LRPPRC: variants seen among roughly 807,000 people sequenced by gnomAD.
The protein encoded by LRPPRC is leucine rich pentatricopeptide repeat containing.
In LRPPRC, 120 loss-of-function variants were observed where a neutral mutation model predicts 180.3. That is an observed-to-expected ratio of 0.67 (90% CI 0.57 to 0.77). LRPPRC has a LOEUF of 0.77. LRPPRC is among the 30% of genes least tolerant of loss of function. The probability of loss-of-function intolerance (pLI) is 0.00; values close to 1 mark genes in which losing one functional copy is unlikely to be tolerated. For synonymous variants in LRPPRC, 723 were observed against 600.0 expected, an observed-to-expected ratio of 1.21 and a Z score of -3.00; for missense variants, 2,012 against 1,657.2, an observed-to-expected ratio of 1.21 and a Z score of -3.72.
intron 1 of LRPPRC, among the ~76,000 whole-genome samples, chr2:43,982,695 T>C (rs1261117626): frequency 2.6e-5 from 4 of 152,220 alleles, no homozygotes; most frequent in African/African-American, 9.6e-5. Flanking sequence ...CATGGAATGA[T>C]TTCAAAATCA....
At chr2:43,958,668 T>A (rs567642758) in intron 13 of LRPPRC, among the ~76,000 whole-genome samples, 25 of 152,338 alleles carry the variant, frequency 1.6e-4, no homozygotes, top group African/African-American at 6.0e-4. Context: ...TAGTTTTCCA[T>A]GCCTACAAAC....
chr2:43,942,875 A>G (rs1284704086), intron 23 of LRPPRC, among the ~76,000 whole-genome samples: 1 of 152,050 alleles, frequency 6.6e-6, no homozygotes, highest in Non-Finnish European at 1.5e-5. Flanking sequence ...TCAGATACGT[A>G]TATCTTCCAT....
intron 1 of LRPPRC, among the ~76,000 whole-genome samples, chr2:43,992,679 G>T (rs933434513): frequency 6.6e-6 from 1 of 152,142 alleles, no homozygotes; most frequent in South Asian, 2.1e-4. Context: ...TCAATAAATG[G>T]GGGGTGAAGG....
intron 27 of LRPPRC, among the ~76,000 whole-genome samples, chr2:43,923,519 A>T (rs1265183846): frequency 1.3e-5 from 2 of 152,154 alleles, no homozygotes; most frequent in Non-Finnish European, 1.5e-5. Flanking sequence ...GTTCTTCTGA[A>T]TAGGAAGAGT....
At chr2:43,918,801 A>ATATC (rs1449843428) in intron 27 of LRPPRC, among the ~76,000 whole-genome samples, 169 of 112,186 alleles carry the variant, frequency 1.5e-3, no homozygotes, top group African/African-American at 3.4e-3. Flanking sequence ...AGATATATAT[A>ATATC]TATATATAGA....
chr2:43,918,783 A>ATATATAGATATATATATATATC (rs1572917869), intron 27 of LRPPRC, among the ~76,000 whole-genome samples: 1 of 35,280 alleles, frequency 2.8e-5, no homozygotes, highest in African/African-American at 2.7e-4. Context: ...GGAAATATAT[A>ATATATAGATATATATATATATC]TATATATAGA....
chr2:43,975,626 A>C (rs1029668184), intron 6 of LRPPRC, among the ~76,000 whole-genome samples: 1 of 150,788 alleles, frequency 6.6e-6, no homozygotes, highest in Admixed American at 6.6e-5. Flanking sequence ...TCTGTCTCCC[A>C]GGCTGGAGTG....
rs533850595 is a variant in LRPPRC, at chr2:43,912,352, C to G, written c.3275+80G>C. The G allele has an allele frequency of 8.0e-5, 104 of 1,294,080 alleles. No individual in the cohort carries two copies. In the East Asian group the frequency reaches 2.4e-3, roughly 30 times the overall value. 80.2% of individuals were successfully genotyped at this position (1,294,080 alleles called of 1,614,324 possible). A position where few individuals can be genotyped will look rare whatever the true frequency, so the allele number is the denominator to read the frequency against. ...AATCAAGCAATTTTACTACACAGCA[C>G]ATTACTATTATAATTATTGGCTAAT... On this transcript the variant is annotated intron_variant, in intron 30 of 37. Transcript: ENST00000260665.
chr2:43,923,194 A>AAG (rs1461059210), intron 27 of LRPPRC, among the ~76,000 whole-genome samples: 2 of 151,488 alleles, frequency 1.3e-5, no homozygotes, highest in Non-Finnish European at 2.9e-5. Flanking sequence ...AAAAAAAAAA[A>AAG]AAGGCCAGGC....
intron 36 of LRPPRC, chr2:43,890,439 C>T (rs59645716): frequency 0.13 from 57,665 of 434,890 alleles, 5,293 homozygotes; most frequent in East Asian, 0.4. Context: ...ATAGGCCGGG[C>T]GCAGTGGCTC....
intron 27 of LRPPRC, among the ~76,000 whole-genome samples, chr2:43,919,210 G>C (rs1671608130): frequency 1.3e-5 from 2 of 152,262 alleles, no homozygotes; most frequent in East Asian, 3.9e-4. Context: ...CTGATGATGT[G>C]AGGTGGAACA....
At chr2:43,956,688 G>A (rs896006926) in intron 14 of LRPPRC, among the ~76,000 whole-genome samples, 3 of 152,044 alleles carry the variant, frequency 2.0e-5, no homozygotes, top group African/African-American at 2.4e-5. Flanking sequence ...TCAGGAGTTC[G>A]AGACCAACCT....
rs139109482 is a variant in LRPPRC at position 43,899,590 on chromosome 2, G to A, written c.3585C>T (p.Ala1195=). The part of the protein sequence containing the change: ...LAQIKNNNID[A]AIENIENMLT... ...GCATATTTTCAATGTTTTCTATTGC[G>A]GCATCTATGTTATTACTGTTAAAAG... The change falls in exon 33 of 38, where the codon GCC becomes GCT. Residue 1195 remains alanine, a synonymous_variant. Coordinates refer to ENST00000260665, the MANE Select transcript of LRPPRC (RefSeq NM_133259.4). The A allele has an allele frequency of 8.6e-5, 139 of 1,609,496 alleles. 2 individuals carry two copies. In the African/African-American group the frequency reaches 1.2e-3, roughly 14 times the overall value.
intron 11 of LRPPRC, among the ~76,000 whole-genome samples, chr2:43,972,624 T>C (rs997506345): frequency 3.9e-5 from 6 of 152,220 alleles, no homozygotes; most frequent in African/African-American, 9.6e-5. Context: ...AACTAGCATA[T>C]TGTTTTCACA....
chr2:43,963,970 G>C (rs1673457736), intron 11 of LRPPRC, among the ~76,000 whole-genome samples: 1 of 152,102 alleles, frequency 6.6e-6, no homozygotes, highest in South Asian at 2.1e-4. Context: ...AAACAATTAA[G>C]CAATGTGCCC....
intron 15 of LRPPRC, among the ~76,000 whole-genome samples, chr2:43,949,949 C>T (rs1343977127): frequency 1.3e-5 from 2 of 152,174 alleles, no homozygotes; most frequent in Non-Finnish European, 2.9e-5. Context: ...AAACATCACT[C>T]TGAATGAACT....
At chr2:43,895,450 T>TC (rs1185085916) in intron 35 of LRPPRC, among the ~76,000 whole-genome samples, 1 of 152,196 alleles carries the variant, frequency 6.6e-6, no homozygotes, top group Non-Finnish European at 1.5e-5. Flanking sequence ...GCCGTGCATT[T>TC]CCCGTCCCAT....
At chr2:43,913,297 TA>T (rs2105014588) in intron 29 of LRPPRC, among the ~76,000 whole-genome samples, 1 of 152,280 alleles carries the variant, frequency 6.6e-6, no homozygotes, top group Non-Finnish European at 1.5e-5. Flanking sequence ...TGCCTGGCTA[TA>T]AACAGCCAAC....
At chr2:43,934,674 G>A in intron 24 of LRPPRC, 80 bp downstream of exon 24, 1 of 1,295,738 alleles carries the variant, frequency 7.7e-7, no homozygotes, top group South Asian at 1.3e-5. Flanking sequence ...CCTTCTGCTG[G>A]TTTCTCTTAA....
Sources: allele counts gnomAD v4.1 joint callset (sites outside exome capture counted in the v4.1 genomes callset), GRCh38; gene constraint gnomAD v4.1.1; transcripts MANE v1.5; gene names NCBI Gene and HGNC (gene_info 2026-07-23, HGNC 2026-07-21).